DLGAP1: variants seen among roughly 807,000 people sequenced by gnomAD.
DLGAP1 encodes disks large-associated protein 1.
DLGAP1 carries 11 observed loss-of-function variants against 90.8 expected under a neutral mutation model. The ratio of observed to expected loss-of-function variants is 0.12; its 90% CI spans 0.08 to 0.20. DLGAP1 has a LOEUF of 0.20. Ranked by LOEUF, DLGAP1 falls within the 10% of genes least tolerant of loss-of-function variation. The pLI, the probability that DLGAP1 is intolerant of heterozygous loss-of-function variation, is 1.00. For missense variants in DLGAP1, 1,050 were observed against 1,333.8 expected (o/e 0.79, Z 3.31); for synonymous variants, 558 against 540.7 (o/e 1.03, Z -0.44).
At chr18:4,192,875 C>T (rs1341169767) in intron 1 of DLGAP1, among the ~76,000 whole-genome samples, 4 of 151,958 alleles carry the variant, frequency 2.6e-5, no homozygotes, top group South Asian at 2.1e-4. Context: ...AAGTTGTTCA[C>T]GTTGGAAGAG....
At chr18:4,273,192 T>C (rs1454700092) in intron 1 of DLGAP1, among the ~76,000 whole-genome samples, 2 of 152,210 alleles carry the variant, frequency 1.3e-5, no homozygotes, top group Admixed American at 6.5e-5. Flanking sequence ...CTTTCCATTA[T>C]AGCAAATTTG....
Position 4,016,340 on chromosome 18 carries a change from G to GT in DLGAP1, c.-158-11140dup, listed in dbSNP as rs1245864912. ...CAGCCGCTGGTGAGCGGCCTCACCT[G>GT]TTATCATCAGTCTTTTCTCATCACA... On this transcript the variant is annotated intron_variant, in intron 2 of 12. Coordinates refer to ENST00000315677, the MANE Select transcript of DLGAP1 (RefSeq NM_004746.4). 6.6e-5 allele frequency among the ~76,000 whole-genome samples: 10 copies of GT among 152,360 alleles called. No individual in the cohort carries two copies. The East Asian group carries it at 1.9e-3, about 29-fold the overall frequency.
intron 7 of DLGAP1, among the ~76,000 whole-genome samples, chr18:3,724,729 C>T (rs1431629293): frequency 5.9e-5 from 9 of 151,786 alleles, no homozygotes; most frequent in African/African-American, 2.2e-4. Context: ...AGAGCAAGAT[C>T]CCATCTCAAA....
intron 3 of DLGAP1, among the ~76,000 whole-genome samples, chr18:4,003,437 G>GTT (rs11457362): frequency 0.23 from 29,790 of 130,106 alleles, 3,582 homozygotes; most frequent in East Asian, 0.25. Flanking sequence ...TAATATCATT[G>GTT]TTTTTTTTTT....
chr18:4,039,681 T>C (rs2149144986), intron 2 of DLGAP1, among the ~76,000 whole-genome samples: 1 of 152,296 alleles, frequency 6.6e-6, no homozygotes, highest in South Asian at 2.1e-4. Flanking sequence ...CTTTTTAGAG[T>C]ATGACTCTTC....
At position 3,857,084 on chromosome 18, in the gene DLGAP1, T is replaced by C. The variant is rs539442485; in HGVS notation, c.957+22028A>G. On this transcript the variant is annotated intron_variant, in intron 4 of 12. Coordinates refer to ENST00000315677, the MANE Select transcript of DLGAP1 (RefSeq NM_004746.4). ...GTAAGTGTGCACTCTAGGCTAGATA[T>C]TGACCCAGACATTTGTGATGTCTCC... Among the ~76,000 whole-genome samples the C allele has an allele frequency of 1.1e-4, 16 of 152,248 alleles. No individual in the cohort carries two copies. In the East Asian group the frequency reaches 2.9e-3, roughly 28 times the overall value.
At chr18:4,334,474 T>G (rs1598923796) in intron 1 of DLGAP1, among the ~76,000 whole-genome samples, 1 of 151,874 alleles carries the variant, frequency 6.6e-6, no homozygotes, top group Non-Finnish European at 1.5e-5. Flanking sequence ...TGTATTGCCA[T>G]AGCAAACTGA....
At chr18:3,768,407 T>C (rs1206645987) in intron 5 of DLGAP1, among the ~76,000 whole-genome samples, 1 of 152,184 alleles carries the variant, frequency 6.6e-6, no homozygotes, top group African/African-American at 2.4e-5. Flanking sequence ...ATGCAACTCT[T>C]ATCAAAATCT....
chr18:3,585,464 C>T (rs2055824346), intron 7 of DLGAP1, among the ~76,000 whole-genome samples: 1 of 152,218 alleles, frequency 6.6e-6, no homozygotes. Flanking sequence ...TGTACCACTT[C>T]TCCTAAGACA....
chr18:4,330,302 C>T lies in DLGAP1; in HGVS notation c.-267+124704G>A, dbSNP rs189423643. ...ATTTGTCAATTTTATTAATGCTTTC[C>T]AAGAACTGCCTTTTGTTTTCTTTAA... On this transcript the variant is annotated intron_variant, in intron 1 of 12. Coordinates refer to ENST00000315677, the MANE Select transcript of DLGAP1 (RefSeq NM_004746.4). 1.5e-4 allele frequency among the ~76,000 whole-genome samples: 23 copies of T among 149,560 alleles called. 5 individuals carry two copies. Among genetic ancestry groups the T allele is most frequent in the African/African-American group, 5.6e-4 (22 of 39,324 alleles).
intron 1 of DLGAP1, among the ~76,000 whole-genome samples, chr18:4,439,551 A>G (rs1323910356): frequency 1.3e-5 from 2 of 152,188 alleles, no homozygotes; most frequent in Non-Finnish European, 2.9e-5. Flanking sequence ...CATGCCTGTA[A>G]TCCCAGAATT....
At chr18:3,769,611 AG>A (rs2064421314) in intron 5 of DLGAP1, among the ~76,000 whole-genome samples, 1 of 152,156 alleles carries the variant, frequency 6.6e-6, no homozygotes. Flanking sequence ...CAGTCCCAAA[AG>A]GTTACATACT....
chr18:4,426,773 C>T (rs1355003008), intron 1 of DLGAP1, among the ~76,000 whole-genome samples: 1 of 152,148 alleles, frequency 6.6e-6, no homozygotes, highest in African/African-American at 2.4e-5. Flanking sequence ...TTGTTTTCCT[C>T]TTATAAATGA....
intron 3 of DLGAP1, among the ~76,000 whole-genome samples, chr18:3,927,147 T>C (rs1373241484): frequency 3.3e-5 from 5 of 152,238 alleles, no homozygotes; most frequent in African/African-American, 9.6e-5. Flanking sequence ...ATAGTAATGA[T>C]TCCATCATTA....
At chr18:3,602,605 A>AC (rs2057121969) in intron 7 of DLGAP1, among the ~76,000 whole-genome samples, 1 of 151,498 alleles carries the variant, frequency 6.6e-6, no homozygotes, top group Non-Finnish European at 1.5e-5. Flanking sequence ...AAAAAAAAAA[A>AC]AAAAAAAAAA....
intron 1 of DLGAP1, among the ~76,000 whole-genome samples, chr18:4,332,766 T>G (rs964889917): frequency 2.0e-5 from 3 of 152,006 alleles, no homozygotes; most frequent in African/African-American, 7.3e-5. Context: ...TTCCTCCAAA[T>G]TGACTTCAAA....
At chr18:4,156,756 T>C (rs934682411) in intron 1 of DLGAP1, among the ~76,000 whole-genome samples, 4 of 152,242 alleles carry the variant, frequency 2.6e-5, no homozygotes, top group Non-Finnish European at 5.9e-5. Context: ...CCCTGGATTA[T>C]TTTGGACACA....
At chr18:3,628,378 C>T (rs970177741) in intron 7 of DLGAP1, among the ~76,000 whole-genome samples, 4 of 151,360 alleles carry the variant, frequency 2.6e-5, no homozygotes, top group African/African-American at 2.4e-5. Context: ...TCAGTAGAGA[C>T]GAGGTTTGAC....
chr18:3,738,493 T>C (rs965049626), intron 6 of DLGAP1, among the ~76,000 whole-genome samples: 4 of 149,154 alleles, frequency 2.7e-5, no homozygotes, highest in Admixed American at 1.3e-4. Flanking sequence ...TATCTGATCT[T>C]TGACAAACCT....
Sources: gnomAD v4.1 joint callset for allele counts (sites outside exome capture counted in the v4.1 genomes callset) on GRCh38, gnomAD v4.1.1 for gene constraint, MANE v1.5 for transcripts, NCBI Gene and HGNC (gene_info 2026-07-23, HGNC 2026-07-21) for gene names.